DNAH9: variants seen among roughly 807,000 people sequenced by gnomAD.
DNAH9 encodes DNAH9 variant protein.
In DNAH9, 345 loss-of-function variants were observed where a neutral mutation model predicts 471.6. That is an observed-to-expected ratio of 0.73 (90% CI 0.67 to 0.80). The LOEUF is 0.80. Ranked by LOEUF, DNAH9 falls within the 30% of genes least tolerant of loss-of-function variation. The probability of loss-of-function intolerance (pLI) is 0.00; values close to 1 mark genes in which losing one functional copy is unlikely to be tolerated. For synonymous variants in DNAH9, 2,093 were observed against 2,123.6 expected, an observed-to-expected ratio of 0.99 and a Z score of 0.40; for missense variants, 5,407 against 5,609.2, an observed-to-expected ratio of 0.96 and a Z score of 1.15.
intron 40 of DNAH9, 128 bp from the exon 41 acceptor site, chr17:11,784,172 G>GTGAGAGA: frequency 6.9e-7 from 1 of 1,445,776 alleles, no homozygotes; most frequent in Non-Finnish European, 9.4e-7. Flanking sequence ...TGGGCATAGT[G>GTGAGAGA]TGAGAGATGG....
intron 27 of DNAH9, among the ~76,000 whole-genome samples, chr17:11,721,031 G>C (rs200157512): frequency 1.6e-4 from 25 of 151,730 alleles, no homozygotes; most frequent in African/African-American, 5.8e-4. Flanking sequence ...CTCCCAAAGG[G>C]AACATTGTGA....
At chr17:11,716,060 C>T (rs1011126907) in intron 26 of DNAH9, among the ~76,000 whole-genome samples, 4 of 150,916 alleles carry the variant, frequency 2.7e-5, no homozygotes, top group Admixed American at 2.0e-4. Context: ...AACAGAAATA[C>T]TGCCTCTTTC....
intron 26 of DNAH9, among the ~76,000 whole-genome samples, chr17:11,711,833 G>C (rs1181676972): frequency 1.5e-5 from 2 of 136,888 alleles, no homozygotes; most frequent in African/African-American, 5.4e-5. Flanking sequence ...TCTTTTTAAA[G>C]TTGTAGTTGC....
At chr17:11,614,934 G>A (rs1482354133) in intron 4 of DNAH9, among the ~76,000 whole-genome samples, 1 of 152,118 alleles carries the variant, frequency 6.6e-6, no homozygotes, top group African/African-American at 2.4e-5. Flanking sequence ...ATTTTGGAGG[G>A]GACACATTCA....
In DNAH9 at chr17:11,614,559, C is replaced by T. The variant is rs112154721; in HGVS notation, c.904+2779C>T. ...ATGGTACAACCTGGTTGCCAAGTTT[C>T]TGAGTCCATTTGTGCTGCTTTAACA... On this transcript the variant is annotated intron_variant, in intron 4 of 68. Coordinates refer to ENST00000262442, the MANE Select transcript of DNAH9 (RefSeq NM_001372.4). 1.7e-3 allele frequency among the ~76,000 whole-genome samples: 256 copies of T among 152,314 alleles called. 1 individual carries two copies. The highest frequency in any genetic ancestry group is 3.7e-3 in the Admixed American group (56 of 15,304).
At chr17:11,729,397 C>T (rs111989548) in intron 28 of DNAH9, among the ~76,000 whole-genome samples, 2 of 152,250 alleles carry the variant, frequency 1.3e-5, no homozygotes, top group African/African-American at 4.8e-5. Context: ...AAAGCTGTGG[C>T]GAGGTGCTTG....
At chr17:11,640,137 C>T (rs1210371183) in intron 9 of DNAH9, 133 bp from the exon 10 acceptor site, 4 of 641,956 alleles carry the variant, frequency 6.2e-6, no homozygotes. Context: ...CCCAGGAACT[C>T]CAGTGTGCTC....
chr17:11,636,009 GT>G (rs920955597), intron 8 of DNAH9, among the ~76,000 whole-genome samples: 15 of 149,076 alleles, frequency 1.0e-4, no homozygotes, highest in Admixed American at 4.7e-4. Context: ...TGTTTGTTTG[GT>G]TTTTTTTTGA....
At chr17:11,721,164 G>A (rs947326353) in intron 27 of DNAH9, among the ~76,000 whole-genome samples, 2 of 152,110 alleles carry the variant, frequency 1.3e-5, no homozygotes, top group African/African-American at 4.8e-5. Flanking sequence ...GGTCACTATG[G>A]CCATTTTACT....
At chr17:11,689,394 C>T in intron 19 of DNAH9, among the ~76,000 whole-genome samples, 172 bp from the exon 20 acceptor site, 1 of 151,116 alleles carries the variant, frequency 6.6e-6, no homozygotes, top group African/African-American at 2.4e-5. Flanking sequence ...AAAGAAAATC[C>T]TGGGAAGAAA....
intron 67 of DNAH9, among the ~76,000 whole-genome samples, chr17:11,945,075 C>T (rs1435156581): frequency 6.6e-6 from 1 of 152,092 alleles, no homozygotes; most frequent in Non-Finnish European, 1.5e-5. Context: ...AGGCGGAGGG[C>T]CTAAGTGGGG....
rs72815422 is a variant in DNAH9 at position 11,878,648 on chromosome 17, G to A, written c.10479-1430G>A. Among the ~76,000 whole-genome samples, 551 of 152,034 alleles carry A rather than the reference G, an allele frequency of 3.6e-3. 2 individuals carry two copies. The highest frequency in any genetic ancestry group is 6.1e-3 in the Non-Finnish European group (417 of 67,970). Reference sequence around the variant, plus strand: ...ATGGCTCCCTGCAGCCTCGACCTCCGGGGTTCAAGCAGTCCTTCCACCTTA... The same window carrying A: ...ATGGCTCCCTGCAGCCTCGACCTCCAGGGTTCAAGCAGTCCTTCCACCTTA... On this transcript the variant is annotated intron_variant, in intron 53 of 68. Coordinates refer to ENST00000262442, the MANE Select transcript of DNAH9 (RefSeq NM_001372.4).
intron 36 of DNAH9, among the ~76,000 whole-genome samples, chr17:11,767,792 C>T (rs1229823406): frequency 2.0e-5 from 3 of 152,038 alleles, no homozygotes; most frequent in Admixed American, 1.3e-4. Context: ...AATAGGTATG[C>T]ATGCAAATTA....
chr17:11,754,581 T>A (rs1967295699), intron 33 of DNAH9, among the ~76,000 whole-genome samples: 1 of 152,176 alleles, frequency 6.6e-6, no homozygotes, highest in African/African-American at 2.4e-5. Flanking sequence ...TAATAATCAG[T>A]GATGTTGAGT....
At chr17:11,739,285 G>T (rs2150832157) in intron 29 of DNAH9, among the ~76,000 whole-genome samples, 1 of 152,234 alleles carries the variant, frequency 6.6e-6, no homozygotes, top group East Asian at 1.9e-4. Context: ...ATAGTTTCGT[G>T]TTGTTTTTAT....
At position 11,892,714 on chromosome 17, in the gene DNAH9, C is replaced by T. The variant is rs910032350; in HGVS notation, c.11283+767C>T. Among the ~76,000 whole-genome samples the T allele has an allele frequency of 1.3e-5, 2 of 151,960 alleles. No individual in the cohort carries two copies. The highest frequency in any genetic ancestry group is 6.6e-5 in the Admixed American group (1 of 15,252). On this transcript the variant is annotated intron_variant, in intron 58 of 68. Transcript: ENST00000262442. The surrounding 1 kb of genome is among the most constrained non-coding windows in gnomAD (Gnocchi z 4.3). The stretch of plus-strand genomic sequence containing the variant: ...TACAGGTGTGCGCCACCAGGCCCAG[C>T]GAATTTTTTTTGTATTTTAAGTAGA...
At position 11,878,927 on chromosome 17, in the gene DNAH9, T is replaced by G. The variant is rs201558043; in HGVS notation, c.10479-1151T>G. 4.6e-5 allele frequency among the ~76,000 whole-genome samples: 7 copies of G among 152,320 alleles called. No homozygotes were observed. The East Asian group carries it at 1.3e-3, about 29-fold the overall frequency. ...GAAATCCAATCAATTTAAATATAGTTTAAGCTATTATATGTGGTACAGACT... is the reference window on the plus strand; with the variant it reads ...GAAATCCAATCAATTTAAATATAGTGTAAGCTATTATATGTGGTACAGACT... On this transcript the variant is annotated intron_variant, in intron 53 of 68. Transcript: ENST00000262442.
At chr17:11,741,885 G>C (rs1336898411) in intron 29 of DNAH9, among the ~76,000 whole-genome samples, 1 of 152,144 alleles carries the variant, frequency 6.6e-6, no homozygotes, top group Non-Finnish European at 1.5e-5. Context: ...TTGAGTGGTA[G>C]CTCCAAGTCT....
At chr17:11,756,774 T>C in intron 34 of DNAH9, 98 bp downstream of exon 34, 1 of 762,932 alleles carries the variant, frequency 1.3e-6, no homozygotes, top group Non-Finnish European at 2.3e-6. Context: ...AATCTCCACA[T>C]GGGAGCCAGA....
Sources: allele counts gnomAD v4.1 joint callset (sites outside exome capture counted in the v4.1 genomes callset), GRCh38; gene constraint gnomAD v4.1.1; non-coding constraint Gnocchi (gnomAD v3.1); transcripts MANE v1.5; gene names NCBI Gene and HGNC (gene_info 2026-07-23, HGNC 2026-07-21).